Variants in CRELD2 observed in about 807,000 individuals in gnomAD.
CRELD2 encodes CRELD disulfide isomerase 2.
Under a neutral mutation model 48.1 loss-of-function variants are expected in CRELD2, and 33 were observed. That is an observed-to-expected ratio of 0.69 (90% CI 0.52 to 0.92). The LOEUF (loss-of-function observed/expected upper bound fraction) is 0.92, where lower values mean the gene tolerates loss of function less well. CRELD2 is among the 40% of genes least tolerant of loss of function. The pLI, the probability that CRELD2 is intolerant of heterozygous loss-of-function variation, is 0.00. For missense variants in CRELD2, 477 were observed against 482.4 expected, an observed-to-expected ratio of 0.99 and a Z score of 0.10; for synonymous variants, 220 against 203.9, an observed-to-expected ratio of 1.08 and a Z score of -0.67.
At chr22:49,919,170 G>A (rs749004672) in intron 1 of CRELD2, 60 bp from the exon 2 acceptor site, 53 of 996,504 alleles carry the variant, frequency 5.3e-5, no homozygotes, top group Non-Finnish European at 6.4e-5. Flanking sequence ...ACCTGGGCTC[G>A]CCCCCACCCT....
intron 7 of CRELD2, chr22:49,923,553 G>A: frequency 1.6e-6 from 1 of 620,822 alleles, no homozygotes; most frequent in Non-Finnish European, 2.9e-6. Flanking sequence ...CCCTGCTGGT[G>A]CCTCCACTGC....
At chr22:49,923,580 C>A (rs2060725596) in intron 7 of CRELD2, 2 of 579,704 alleles carry the variant, frequency 3.5e-6, no homozygotes, top group Admixed American at 5.2e-5. Flanking sequence ...CCCCCCAGCG[C>A]CCCCGCAACG....
intron 2 of CRELD2, 46 bp downstream of exon 2, chr22:49,919,358 C>T (rs755019809): frequency 3.8e-6 from 6 of 1,570,354 alleles, no homozygotes; most frequent in Non-Finnish European, 4.4e-6. Context: ...TGGCGCTGTC[C>T]TGGGAAGTCG....
chr22:49,922,015 G>A (rs965455613), intron 5 of CRELD2: 40 of 600,942 alleles, frequency 6.7e-5, no homozygotes, highest in Non-Finnish European at 9.9e-5. Context: ...GGTCCACCCC[G>A]ACCTTGAGTT....
intron 5 of CRELD2, 26 bp from the exon 6 acceptor site, chr22:49,922,586 T>C (rs1361424895): frequency 2.6e-6 from 4 of 1,517,676 alleles, no homozygotes; most frequent in South Asian, 2.5e-5. Flanking sequence ...GTGGGGTTTG[T>C]ACCCAGGCCC....
At chr22:49,924,660 A>C (rs1601848081) in intron 8 of CRELD2, 1 of 439,152 alleles carries the variant, frequency 2.3e-6, no homozygotes. Flanking sequence ...TGCATGGCCG[A>C]CCCTGGTGTG....
rs763149806 is a variant in CRELD2, at chr22:49,920,250, G to A, written c.415+3G>A. The A allele has an allele frequency of 6.2e-7, 1 of 1,600,518 alleles. No individual in the cohort carries two copies. Among genetic ancestry groups the A allele is most frequent in the African/African-American group, 1.3e-5 (1 of 74,564 alleles). On this transcript the variant is annotated splice_donor_region_variant and intron_variant, in intron 4 of 9. Transcript: ENST00000328268. ...AACCTACGGTCCCGACTGTCTCGGT[G>A]CGTTTCTCCTCAGGGAAATCCCATC...
intron 5 of CRELD2, chr22:49,922,307 C>T: frequency 8.1e-7 from 1 of 1,230,754 alleles, no homozygotes; most frequent in Admixed American, 2.0e-5. Context: ...TCAGGACCGG[C>T]CTCTCCGATT....
chr22:49,923,321 G>A lies in CRELD2; in HGVS notation c.772+4G>A, dbSNP rs1195763530. The A allele has an allele frequency of 6.2e-7, 1 of 1,612,012 alleles. No homozygotes were observed. Among genetic ancestry groups the A allele is most frequent in the East Asian group, 2.2e-5 (1 of 44,878 alleles). The stretch of plus-strand genomic sequence containing the variant: ...AACGGCTCCTACACGTGCGAAGGTG[G>A]GCCAGGCGGGCGGGTCTGCACTCCG... On this transcript the variant is annotated splice_donor_region_variant and intron_variant, in intron 7 of 9. Coordinates refer to ENST00000328268, the MANE Select transcript of CRELD2 (RefSeq NM_024324.5).
At chr22:49,923,668 G>C in intron 7 of CRELD2, 1 of 418,026 alleles carries the variant, frequency 2.4e-6, no homozygotes, top group Non-Finnish European at 4.4e-6. Flanking sequence ...TGCGTCCTGT[G>C]GTTTCTCTGT....
In CRELD2 at chr22:49,921,599, T is replaced by C. The variant is rs1167175613; in HGVS notation, c.430T>C (p.Ser144Pro). ...GPDCLACQGG[S>P]QRPCSGNGHC... The stretch of plus-strand genomic sequence containing the variant: ...GTCCCCTAAAGCATGCCAGGGCGGA[T>C]CCCAGAGGCCCTGCAGCGGGAATGG... Residue 144 changes from serine (S) to proline (P), a missense_variant, in exon 5 of 10, where the codon TCC becomes CCC. By Grantham distance (74) the Ser-to-Pro change is moderately conservative (BLOSUM62 -1). Coordinates refer to ENST00000328268, the MANE Select transcript of CRELD2 (RefSeq NM_024324.5). The C allele has an allele frequency of 4.3e-6, 7 of 1,612,480 alleles. No individual in the cohort carries two copies. The Admixed American group carries it at 1.0e-4, about 23-fold the overall frequency.
In CRELD2 at chr22:49,921,716, G is replaced by A. The variant is rs368053315; in HGVS notation, c.547G>A (p.Gly183Ser). The A allele has an allele frequency of 1.4e-5, 23 of 1,612,662 alleles. No individual in the cohort carries two copies. The highest frequency in any genetic ancestry group is 6.7e-5 in the Admixed American group (4 of 59,994). The change falls in exon 5 of 10, where the codon GGC becomes AGC. Residue 183 changes from glycine to serine, a missense_variant. Gly to Ser is a moderately conservative substitution (Grantham distance 56). Transcript: ENST00000328268. ...QGPLCTDCMD[G>S]YFSSLRNETH... ...CCCGCTGTGCACTGACTGCATGGACGGCTACTTCAGCTCGCTCCGGAACGA... is the reference window on the plus strand; with the variant it reads ...CCCGCTGTGCACTGACTGCATGGACAGCTACTTCAGCTCGCTCCGGAACGA...
At chr22:49,922,560 A>C (rs1569185326) in intron 5 of CRELD2, 52 bp from the exon 6 acceptor site, 4 of 1,492,430 alleles carry the variant, frequency 2.7e-6, no homozygotes, top group Non-Finnish European at 3.6e-6. Flanking sequence ...CCTTGTCCCC[A>C]AGCTGGTACC....
intron 1 of CRELD2, 43 bp downstream of exon 1, chr22:49,918,941 TC>T (rs945130436): frequency 2.3e-6 from 3 of 1,314,836 alleles, no homozygotes; most frequent in Non-Finnish European, 2.0e-6. Flanking sequence ...GGGCCCGGGG[TC>T]CCCCTCACCC....
At chr22:49,922,006 G>A in intron 5 of CRELD2, 1 of 603,328 alleles carries the variant, frequency 1.7e-6, no homozygotes, top group East Asian at 2.8e-5. Flanking sequence ...CTAGTTCAAG[G>A]TCCACCCCGA....
At chr22:49,920,094 G>A in intron 3 of CRELD2, 62 bp from the exon 4 acceptor site, 2 of 1,101,052 alleles carry the variant, frequency 1.8e-6, no homozygotes, top group Non-Finnish European at 1.4e-6. Context: ...ACGTTCAGCT[G>A]CATGTTTGTT....
intron 7 of CRELD2, 29 bp from the exon 8 acceptor site, chr22:49,924,331 C>T (rs377077773): frequency 2.8e-5 from 44 of 1,554,796 alleles, no homozygotes; most frequent in Admixed American, 3.4e-5. Context: ...TTGTGCATGT[C>T]GGGGTCTGAC....
At chr22:49,924,478 G>A (rs1328521943) in intron 8 of CRELD2, 23 bp downstream of exon 8, 2 of 1,517,766 alleles carry the variant, frequency 1.3e-6, no homozygotes, top group East Asian at 4.7e-5. Flanking sequence ...GTCTGTGCTG[G>A]ACGCTGGTGG....
chr22:49,927,518 A>G lies in CRELD2; in HGVS notation c.*211A>G. The G allele has an allele frequency of 1.8e-6, 1 of 569,444 alleles. No individual in the cohort carries two copies. The highest frequency in any genetic ancestry group is 2.0e-5 in the South Asian group (1 of 49,520). The allele number at this position is 569,444 out of a possible 1,614,324, so 35.3% of individuals were successfully genotyped here. A position where few individuals can be genotyped will look rare whatever the true frequency, so the allele number is the denominator to read the frequency against. On this transcript the variant is annotated 3_prime_UTR_variant, in exon 10 of 10. Coordinates refer to ENST00000328268, the MANE Select transcript of CRELD2 (RefSeq NM_024324.5). ...ACAGTTCTTTGTAATAAAATTGACC[A>G]TTGTAGGTAATCAGGAGGAGAACGG...
Sources: allele counts gnomAD v4.1 joint callset, GRCh38; gene constraint gnomAD v4.1.1; transcripts MANE v1.5; gene names NCBI Gene and HGNC (gene_info 2026-07-23, HGNC 2026-07-21).